The following ITGA2 variants were observed in gnomAD, a reference collection of about 807,000 sequenced individuals.
The protein encoded by ITGA2 is integrin alpha-2.
ITGA2 carries 101 observed loss-of-function variants against 146.3 expected under a neutral mutation model. The ratio of observed to expected loss-of-function variants is 0.69; its 90% CI spans 0.59 to 0.81. The LOEUF is 0.81. Ranked by LOEUF, ITGA2 falls within the 40% of genes least tolerant of loss-of-function variation. The pLI is 0.00. For synonymous variants in ITGA2, 477 were observed against 487.1 expected (o/e 0.98, Z 0.27); for missense variants, 1,281 against 1,402.7 (o/e 0.91, Z 1.39).
At chr5:53,025,775 C>A (rs1364826874) in intron 1 of ITGA2, among the ~76,000 whole-genome samples, 2 of 152,130 alleles carry the variant, frequency 1.3e-5, no homozygotes, top group African/African-American at 4.8e-5. Context: ...TCAGTGTCTG[C>A]GAAGGTAAAT....
At chr5:53,007,622 A>G (rs1027112266) in intron 1 of ITGA2, among the ~76,000 whole-genome samples, 1 of 152,180 alleles carries the variant, frequency 6.6e-6, no homozygotes, top group African/African-American at 2.4e-5. Context: ...TCTTGGGCCA[A>G]CACACTTTCT....
Position 53,044,969 on chromosome 5 carries a change from A to G in ITGA2, c.296-32A>G, listed in dbSNP as rs752032256. 4 of 1,508,950 alleles carry G rather than the reference A, an allele frequency of 2.7e-6. No individual in the cohort carries two copies. In the African/African-American group the frequency reaches 4.1e-5, roughly 16 times the overall value. The allele number at this position is 1,508,950 out of a possible 1,614,324, so 93.5% of individuals were successfully genotyped here. On this transcript the variant is annotated intron_variant, in intron 3 of 29. Transcript: ENST00000296585. ...TCTTTAAGTAAACGAGGAATTTTTAATCACTTTTAAAAATTGTTTTCCCTT... is the reference window on the plus strand; with the variant it reads ...TCTTTAAGTAAACGAGGAATTTTTAGTCACTTTTAAAAATTGTTTTCCCTT...
chr5:53,094,102 T>C lies in ITGA2; in HGVS notation c.*3503T>C, dbSNP rs981366146. 1 of 152,474 alleles carries C rather than the reference T, an allele frequency of 6.6e-6. No individual in the cohort carries two copies. The highest frequency in any genetic ancestry group is 6.5e-5 in the Admixed American group (1 of 15,270). 9.4% of individuals were successfully genotyped at this position (152,474 alleles called of 1,614,324 possible). On this transcript the variant is annotated 3_prime_UTR_variant, in exon 30 of 30. Transcript: ENST00000296585. ...ATAGCTATAACCCAATATATGAAAA[T>C]CTCAAAAATTAAGACATCATCATAC...
chr5:53,070,723 A>G (rs1041079134), intron 17 of ITGA2, among the ~76,000 whole-genome samples: 3 of 151,906 alleles, frequency 2.0e-5, no homozygotes, highest in Non-Finnish European at 4.4e-5. Flanking sequence ...TTCTAATCGT[A>G]TGCTGTAATT....
intron 22 of ITGA2, 35 bp downstream of exon 22, chr5:53,075,172 A>G (rs1745603058): frequency 6.2e-7 from 1 of 1,602,822 alleles, no homozygotes; most frequent in Non-Finnish European, 8.5e-7. Context: ...GGAATGATGG[A>G]TAGCTTTGTA....
At position 52,991,852 on chromosome 5, in the gene ITGA2, G is replaced by T. The variant is rs1740976087; in HGVS notation, c.64+2320G>T. 2.0e-5 allele frequency among the ~76,000 whole-genome samples: 3 copies of T among 152,136 alleles called. No individual in the cohort carries two copies. The South Asian group carries it at 6.2e-4, about 32-fold the overall frequency. On this transcript the variant is annotated intron_variant, in intron 1 of 29. Coordinates refer to ENST00000296585, the MANE Select transcript of ITGA2 (RefSeq NM_002203.4). ...TTAATACCATGAAAATGGTAAATGGGCAGTCTGAGGATGAAAAAGAGAGAA... is the reference window on the plus strand; with the variant it reads ...TTAATACCATGAAAATGGTAAATGGTCAGTCTGAGGATGAAAAAGAGAGAA...
intron 16 of ITGA2, 74 bp from the exon 17 acceptor site, chr5:53,070,035 C>A: frequency 8.1e-7 from 1 of 1,233,360 alleles, no homozygotes; most frequent in Non-Finnish European, 1.2e-6. Context: ...TCCAAGAAGA[C>A]ACAATAAAGC....
rs927125800 is a variant in ITGA2 at position 53,093,772 on chromosome 5, C to T, written c.*3173C>T. ...TTCCATTTCATAAATGGTGTACAGACAAGGTCTATAGAATGTGGTAAAAAC... is the reference window on the plus strand; with the variant it reads ...TTCCATTTCATAAATGGTGTACAGATAAGGTCTATAGAATGTGGTAAAAAC... On this transcript the variant is annotated 3_prime_UTR_variant, in exon 30 of 30. Transcript: ENST00000296585. 1 of 152,518 alleles carries T rather than the reference C, an allele frequency of 6.6e-6. No homozygotes were observed. Among genetic ancestry groups the T allele is most frequent in the Middle Eastern group, 3.2e-3 (1 of 316 alleles). The allele number at this position is 152,518 out of a possible 1,614,324, so 9.4% of individuals were successfully genotyped here. A position where few individuals can be genotyped will look rare whatever the true frequency, so the allele number is the denominator to read the frequency against.
intron 1 of ITGA2, among the ~76,000 whole-genome samples, chr5:52,996,937 G>C (rs1741290716): frequency 6.6e-6 from 1 of 152,160 alleles, no homozygotes; most frequent in Admixed American, 6.5e-5. Flanking sequence ...AAATGTGAAA[G>C]CTGTTTGCCC....
At chr5:53,055,429 A>G (rs1744582096) in intron 7 of ITGA2, 109 bp from the exon 8 acceptor site, 1 of 930,598 alleles carries the variant, frequency 1.1e-6, no homozygotes, top group East Asian at 2.5e-5. Flanking sequence ...TGGAGTTACA[A>G]TAGATTGTGT....
At chr5:53,062,645 T>C in intron 12 of ITGA2, 141 bp from the exon 13 acceptor site, 1 of 832,690 alleles carries the variant, frequency 1.2e-6, no homozygotes, top group Non-Finnish European at 2.0e-6. Context: ...GGAACTGTGC[T>C]CTCTGTCTTC....
chr5:53,012,615 C>G (rs1742191760), intron 1 of ITGA2, among the ~76,000 whole-genome samples: 1 of 152,040 alleles, frequency 6.6e-6, no homozygotes, highest in African/African-American at 2.4e-5. Context: ...GGGTGTATAC[C>G]TAATAATGGG....
chr5:53,061,987 G>T (rs1419511492), intron 12 of ITGA2, among the ~76,000 whole-genome samples: 1 of 151,818 alleles, frequency 6.6e-6, no homozygotes, highest in Non-Finnish European at 1.5e-5. Flanking sequence ...CAGTGACAGT[G>T]TTATGGAAGG....
chr5:53,036,044 T>TATTCATTCATTCATTCATTCATTCATTC (rs74507381), intron 2 of ITGA2, among the ~76,000 whole-genome samples: 1 of 149,888 alleles, frequency 6.7e-6, no homozygotes, highest in Non-Finnish European at 1.5e-5. Context: ...CTTTGACTCG[T>TATTCATTCATTCATTCATTCATTCATTC]ATTCATTCAT....
chr5:53,085,996 C>G (rs1746137825), intron 27 of ITGA2, among the ~76,000 whole-genome samples: 1 of 152,100 alleles, frequency 6.6e-6, no homozygotes, highest in African/African-American at 2.4e-5. Flanking sequence ...GCAACCTGTG[C>G]CTCCTGGGTT....
chr5:53,026,931 C>T, intron 2 of ITGA2, 63 bp downstream of exon 2: 1 of 1,461,422 alleles, frequency 6.8e-7, no homozygotes, highest in Non-Finnish European at 9.5e-7. Flanking sequence ...TATTTGACTT[C>T]AATTGCTTTT....
intron 4 of ITGA2, among the ~76,000 whole-genome samples, chr5:53,045,470 G>T (rs375289950): frequency 6.6e-6 from 1 of 152,150 alleles, no homozygotes; most frequent in African/African-American, 2.4e-5. Flanking sequence ...ATCATTTCCT[G>T]TAATTGTTGA....
At chr5:53,067,326 T>C in intron 16 of ITGA2, 69 bp downstream of exon 16, 1 of 1,580,084 alleles carries the variant, frequency 6.3e-7, no homozygotes, top group Non-Finnish European at 8.7e-7. Context: ...GAATATAACA[T>C]ATTTTGGTTT....
chr5:53,025,110 G>A (rs43188), intron 1 of ITGA2, among the ~76,000 whole-genome samples: 17,910 of 152,098 alleles, frequency 0.12, 1,395 homozygotes, highest in African/African-American at 0.21. Flanking sequence ...GTATTTTAAA[G>A]GTGAAAGCAG....
Sources: gnomAD v4.1 joint callset for allele counts (sites outside exome capture counted in the v4.1 genomes callset) on GRCh38, gnomAD v4.1.1 for gene constraint, MANE v1.5 for transcripts, NCBI Gene and HGNC (gene_info 2026-07-23, HGNC 2026-07-21) for gene names.